WDFY4: variants seen among roughly 807,000 people sequenced by gnomAD.
WDFY4 encodes WD repeat- and FYVE domain-containing protein 4.
WDFY4 carries 169 observed loss-of-function variants against 351.9 expected under a neutral mutation model. That is an observed-to-expected ratio of 0.48 (90% CI 0.42 to 0.55). WDFY4 has a LOEUF of 0.55. Ranked by LOEUF, WDFY4 falls within the 20% of genes least tolerant of loss-of-function variation. The probability of loss-of-function intolerance (pLI) is 0.00; values close to 1 mark genes in which losing one functional copy is unlikely to be tolerated. For synonymous variants in WDFY4, 1,622 were observed against 1,574.6 expected (o/e 1.03, Z -0.71); for missense variants, 3,803 against 3,935.6 (o/e 0.97, Z 0.90).
At chr10:48,935,758 T>C (rs1840318318) in intron 47 of WDFY4, among the ~76,000 whole-genome samples, 1 of 152,244 alleles carries the variant, frequency 6.6e-6, no homozygotes, top group Non-Finnish European at 1.5e-5. Flanking sequence ...CTTGATTGTA[T>C]GTCATTAAAT....
At position 48,883,853 on chromosome 10, in the gene WDFY4, G is replaced by T. The variant is rs1227429396; in HGVS notation, c.7167+6654G>T. 2.6e-5 allele frequency: 4 copies of T among 152,354 alleles called. No individual in the cohort carries two copies. The East Asian group carries it at 7.7e-4, about 29-fold the overall frequency. The allele number at this position is 152,354 out of a possible 1,614,324, so 9.4% of individuals were successfully genotyped here. On this transcript the variant is annotated intron_variant, in intron 43 of 61. Transcript: ENST00000325239. ...AACGTTGGAGTTCTGGTTGCCTCTA[G>T]TGATACCTGGGATGGTAATTATTCA...
At chr10:48,974,417 T>C (rs924684957) in intron 57 of WDFY4, among the ~76,000 whole-genome samples, 1 of 147,068 alleles carries the variant, frequency 6.8e-6, no homozygotes, top group Non-Finnish European at 1.5e-5. Flanking sequence ...TGCAAAAGAA[T>C]TGCTGTACCT....
intron 1 of WDFY4, among the ~76,000 whole-genome samples, chr10:48,692,519 T>C (rs1045288416): frequency 6.6e-6 from 1 of 152,244 alleles, no homozygotes; most frequent in East Asian, 1.9e-4. Context: ...CCAAAGTGCT[T>C]TAATTAAATG....
chr10:48,809,822 G>A (rs946079320), intron 28 of WDFY4, among the ~76,000 whole-genome samples: 3 of 152,228 alleles, frequency 2.0e-5, no homozygotes, highest in African/African-American at 7.2e-5. Flanking sequence ...CTAGTCCAGT[G>A]CTCATTTCAG....
intron 43 of WDFY4, 81 bp from the exon 44 acceptor site, chr10:48,890,498 G>A (rs2070648419): frequency 6.6e-7 from 1 of 1,517,150 alleles, no homozygotes; most frequent in Non-Finnish European, 8.9e-7. Flanking sequence ...ATGGATGGCT[G>A]GTCACTACCC....
chr10:48,844,408 A>G (rs975302605), intron 39 of WDFY4, among the ~76,000 whole-genome samples: 3 of 152,132 alleles, frequency 2.0e-5, no homozygotes, highest in Non-Finnish European at 2.9e-5. Flanking sequence ...CCTGGCCAAT[A>G]TGATGAAACC....
At chr10:48,798,365 C>T (rs2066943862) in intron 24 of WDFY4, among the ~76,000 whole-genome samples, 1 of 151,412 alleles carries the variant, frequency 6.6e-6, no homozygotes, top group South Asian at 2.1e-4. Context: ...TACTGTTTCT[C>T]CTAAAACAGA....
At chr10:48,854,514 T>C (rs1301991599) in intron 39 of WDFY4, among the ~76,000 whole-genome samples, 1 of 152,204 alleles carries the variant, frequency 6.6e-6, no homozygotes, top group East Asian at 1.9e-4. Context: ...TTCATTCTAC[T>C]GTCTCATCCT....
intron 54 of WDFY4, among the ~76,000 whole-genome samples, chr10:48,965,953 C>T (rs1842063287): frequency 6.6e-6 from 1 of 152,066 alleles, no homozygotes; most frequent in African/African-American, 2.4e-5. Flanking sequence ...CAGGGCTTGG[C>T]TTGGTTTTGC....
At chr10:48,967,112 A>G in intron 55 of WDFY4, 1 of 159,140 alleles carries the variant, frequency 6.3e-6, no homozygotes, top group South Asian at 1.9e-4. Context: ...TAAGCAGGGC[A>G]GGGGACTAAG....
chr10:48,796,124 T>A (rs2066866116), intron 23 of WDFY4, among the ~76,000 whole-genome samples, 174 bp from the exon 24 acceptor site: 1 of 152,114 alleles, frequency 6.6e-6, no homozygotes, highest in Non-Finnish European at 1.5e-5. Flanking sequence ...AGTCAGGTCA[T>A]AGCACAGAAA....
chr10:48,918,434 T>C (rs577155730), intron 47 of WDFY4, among the ~76,000 whole-genome samples: 1 of 152,342 alleles, frequency 6.6e-6, no homozygotes, highest in East Asian at 1.9e-4. Flanking sequence ...ACTTTATTAA[T>C]GTCAGATAAA....
chr10:48,783,394 T>C (rs1002753338), intron 19 of WDFY4, among the ~76,000 whole-genome samples: 7 of 152,076 alleles, frequency 4.6e-5, no homozygotes, highest in African/African-American at 1.7e-4. Context: ...CTGAATATTT[T>C]TGAGCCAAAG....
chr10:48,889,411 G>A (rs1288559830), intron 43 of WDFY4, among the ~76,000 whole-genome samples: 2 of 152,228 alleles, frequency 1.3e-5, no homozygotes, highest in Non-Finnish European at 2.9e-5. Context: ...TCCCAAAGGT[G>A]AGCAGGGAGC....
intron 51 of WDFY4, among the ~76,000 whole-genome samples, chr10:48,951,039 CTG>C (rs1372666223): frequency 1.3e-5 from 2 of 152,250 alleles, no homozygotes; most frequent in Admixed American, 6.5e-5. Flanking sequence ...TGTGCAGAGA[CTG>C]TGGACAGCAC....
At chr10:48,767,411 G>A (rs1474148136) in intron 13 of WDFY4, among the ~76,000 whole-genome samples, 1 of 152,194 alleles carries the variant, frequency 6.6e-6, no homozygotes, top group Non-Finnish European at 1.5e-5. Flanking sequence ...TAAGTAGAAG[G>A]TAATACATTT....
At chr10:48,826,025 T>C (rs976569291) in intron 35 of WDFY4, among the ~76,000 whole-genome samples, 17 of 152,236 alleles carry the variant, frequency 1.1e-4, no homozygotes, top group Admixed American at 7.9e-4. Flanking sequence ...CATGAAATCT[T>C]TGCCTATGCC....
intron 28 of WDFY4, among the ~76,000 whole-genome samples, chr10:48,808,302 GA>G (rs2067325356): frequency 6.6e-6 from 1 of 152,188 alleles, no homozygotes; most frequent in African/African-American, 2.4e-5. Flanking sequence ...ATAGAATGAA[GA>G]AATCGTGAGC....
At chr10:48,872,568 C>G (rs11101540) in intron 40 of WDFY4, among the ~76,000 whole-genome samples, 3,716 of 152,302 alleles carry the variant, frequency 0.024, 155 homozygotes, top group African/African-American at 0.084. Flanking sequence ...TTTCTGAAAA[C>G]ATTAAATGTG....
Sources: gnomAD v4.1 joint callset for allele counts (sites outside exome capture counted in the v4.1 genomes callset) on GRCh38, gnomAD v4.1.1 for gene constraint, MANE v1.5 for transcripts, NCBI Gene and HGNC (gene_info 2026-07-23, HGNC 2026-07-21) for gene names.